The following CSMD3 variants were observed in gnomAD, a reference collection of about 807,000 sequenced individuals.
CSMD3 encodes CUB and sushi domain-containing protein 3.
Under a neutral mutation model 435.2 loss-of-function variants are expected in CSMD3, and 177 were observed. The observed-to-expected ratio is 0.41, with a 90% CI of 0.36 to 0.46. CSMD3 has a LOEUF of 0.46. CSMD3 is among the 20% of genes least tolerant of loss of function. CSMD3 has a pLI of 0.34. For missense variants in CSMD3, 4,265 were observed against 4,504.6 expected, an observed-to-expected ratio of 0.95 and a Z score of 1.52; for synonymous variants, 1,656 against 1,520.5, an observed-to-expected ratio of 1.09 and a Z score of -2.07.
intron 22 of CSMD3, among the ~76,000 whole-genome samples, chr8:112,627,792 G>T (rs1256606020): frequency 2.0e-5 from 3 of 152,134 alleles, no homozygotes; most frequent in Non-Finnish European, 4.4e-5. Context: ...GTTGGTTCCT[G>T]ATGATCACAT....
chr8:112,774,342 G>A (rs970537731), intron 13 of CSMD3, among the ~76,000 whole-genome samples: 4 of 151,802 alleles, frequency 2.6e-5, no homozygotes, highest in East Asian at 1.9e-4. Context: ...CACAACATAC[G>A]GACATCCACC....
intron 13 of CSMD3, among the ~76,000 whole-genome samples, chr8:112,705,909 G>C (rs2076489377): frequency 3.3e-5 from 5 of 151,898 alleles, no homozygotes; most frequent in Admixed American, 3.3e-4. Context: ...AAGTGATAAG[G>C]GAATCCTCCT....
intron 5 of CSMD3, among the ~76,000 whole-genome samples, chr8:113,059,036 A>G (rs566027335): frequency 6.6e-6 from 1 of 152,260 alleles, no homozygotes; most frequent in African/African-American, 2.4e-5. Flanking sequence ...TATTCAATAA[A>G]TTACATAAAG....
At chr8:112,236,124 CAAT>C (rs1268895557) in intron 67 of CSMD3, among the ~76,000 whole-genome samples, 4 of 151,524 alleles carry the variant, frequency 2.6e-5, no homozygotes, top group Non-Finnish European at 4.4e-5. Flanking sequence ...GAGGATCATT[CAAT>C]AATAAGAATG....
chr8:112,413,239 A>G (rs575494273), intron 32 of CSMD3, among the ~76,000 whole-genome samples: 2 of 152,284 alleles, frequency 1.3e-5, no homozygotes, highest in South Asian at 2.1e-4. Flanking sequence ...CAGTGTATCT[A>G]TCTACTCTTT....
intron 13 of CSMD3, among the ~76,000 whole-genome samples, chr8:112,778,586 G>A (rs1438043072): frequency 6.6e-6 from 1 of 151,778 alleles, no homozygotes; most frequent in Non-Finnish European, 1.5e-5. Context: ...TTCACCTACT[G>A]AAAGACATTC....
At chr8:113,122,655 A>G (rs1001675331) in intron 4 of CSMD3, among the ~76,000 whole-genome samples, 2 of 152,062 alleles carry the variant, frequency 1.3e-5, no homozygotes, top group Admixed American at 1.3e-4. Context: ...AAGGACCAGG[A>G]GCCAAGGAAT....
At chr8:112,681,692 C>T (rs533635439) in intron 16 of CSMD3, among the ~76,000 whole-genome samples, 9 of 151,894 alleles carry the variant, frequency 5.9e-5, no homozygotes, top group South Asian at 4.2e-4. Flanking sequence ...ATGGAAAAAC[C>T]GTGTCTCTAC....
At chr8:112,962,043 C>A (rs1247113703) in intron 7 of CSMD3, among the ~76,000 whole-genome samples, 1 of 151,754 alleles carries the variant, frequency 6.6e-6, no homozygotes, top group African/African-American at 2.4e-5. Context: ...AACTGTCTGC[C>A]CTTAATTTAA....
At chr8:112,542,087 C>T (rs1826717124) in intron 27 of CSMD3, among the ~76,000 whole-genome samples, 1 of 146,794 alleles carries the variant, frequency 6.8e-6, no homozygotes, top group Admixed American at 7.0e-5. Flanking sequence ...AAGCATTTGA[C>T]AAAATTAAAT....
Position 112,947,794 on chromosome 8 carries a change from A to T in CSMD3, c.1504T>A (p.Phe502Ile). 1 of 1,339,332 alleles carries T rather than the reference A, an allele frequency of 7.5e-7. No individual in the cohort carries two copies. Among genetic ancestry groups the T allele is most frequent in the Non-Finnish European group, 1.1e-6 (1 of 931,890 alleles). 83.0% of individuals were successfully genotyped at this position (1,339,332 alleles called of 1,614,324 possible). The part of the protein sequence containing the change: ...PENGKRIGSD[F>I]SLGSTVQFSC... ...GTCAATATTTTAAAATATTACCTAA[A>T]ATCTGATCCGATTCTCTTCCCATTT... The change falls in exon 9 of 71, where the codon TTT becomes ATT. Residue 502 changes from phenylalanine (F) to isoleucine (I), a missense_variant. Phe to Ile is a conservative substitution (Grantham distance 21). Around this residue, in one of 3 missense-constraint regions of CSMD3, gnomAD observed 731 missense variants for 755.4 expected, o/e 0.97. Transcript: ENST00000297405.
chr8:112,633,581 C>T (rs1441820178), intron 22 of CSMD3, among the ~76,000 whole-genome samples: 1 of 151,954 alleles, frequency 6.6e-6, no homozygotes, highest in African/African-American at 2.4e-5. Context: ...TTTTGTTAAA[C>T]TTTAAACTTA....
intron 1 of CSMD3, among the ~76,000 whole-genome samples, chr8:113,378,945 T>C (rs1286550920): frequency 2.0e-5 from 3 of 152,076 alleles, no homozygotes; most frequent in Non-Finnish European, 4.4e-5. Flanking sequence ...TGTTACAAAA[T>C]GAAATTGAGG....
At chr8:113,283,029 C>T (rs755382081) in intron 2 of CSMD3, among the ~76,000 whole-genome samples, 54 of 151,952 alleles carry the variant, frequency 3.6e-4, no homozygotes, top group Non-Finnish European at 1.0e-4. Flanking sequence ...ATTGGCTAGC[C>T]ATATGTAGAA....
intron 24 of CSMD3, among the ~76,000 whole-genome samples, chr8:112,560,679 T>G (rs76496495): frequency 0.05 from 7,618 of 151,592 alleles, 229 homozygotes; most frequent in African/African-American, 0.088. Flanking sequence ...TGAAATGCAA[T>G]GAAAAAATAG....
At chr8:112,998,004 T>C (rs1471003957) in intron 6 of CSMD3, among the ~76,000 whole-genome samples, 1 of 151,438 alleles carries the variant, frequency 6.6e-6, no homozygotes, top group African/African-American at 2.4e-5. Flanking sequence ...ATCTACTGCC[T>C]TACTTTGAGC....
chr8:112,662,097 C>T (rs571413781), intron 17 of CSMD3, among the ~76,000 whole-genome samples: 1 of 152,116 alleles, frequency 6.6e-6, no homozygotes, highest in South Asian at 2.1e-4. Context: ...CCACACTGCC[C>T]AAGGTAATTT....
chr8:112,803,752 A>G (rs1334821585), intron 12 of CSMD3, among the ~76,000 whole-genome samples: 2 of 152,222 alleles, frequency 1.3e-5, no homozygotes, highest in Non-Finnish European at 2.9e-5. Flanking sequence ...GAAGTTATAC[A>G]GACCTCCTTG....
chr8:112,942,582 C>T (rs529889273), intron 9 of CSMD3, among the ~76,000 whole-genome samples: 5 of 151,650 alleles, frequency 3.3e-5, no homozygotes, highest in African/African-American at 9.7e-5. Context: ...AAGCTGGAGG[C>T]GATGGTCCTA....
Sources: gnomAD v4.1 joint callset for allele counts (sites outside exome capture counted in the v4.1 genomes callset) on GRCh38, gnomAD v4.1.1 for gene constraint, gnomAD v4.1.1 regional missense constraint, MANE v1.5 for transcripts, NCBI Gene and HGNC (gene_info 2026-07-23, HGNC 2026-07-21) for gene names.